The following CACNA1I variants were observed in gnomAD, a reference collection of about 807,000 sequenced individuals.
CACNA1I encodes the protein voltage-dependent T-type calcium channel subunit alpha-1I.
In CACNA1I, 74 loss-of-function variants were observed where a neutral mutation model predicts 201.6. The observed-to-expected ratio is 0.37, with a 90% CI of 0.30 to 0.45. The LOEUF is 0.45. Ranked by LOEUF, CACNA1I falls within the 20% of genes least tolerant of loss-of-function variation. CACNA1I has a pLI of 1.00. For missense variants in CACNA1I, 2,346 were observed against 3,138.1 expected (o/e 0.75, Z 6.03); for synonymous variants, 1,431 against 1,345.2 (o/e 1.06, Z -1.40).
At chr22:39,669,937 C>A in intron 24 of CACNA1I, 101 bp from the exon 25 acceptor site, 1 of 1,350,954 alleles carries the variant, frequency 7.4e-7, no homozygotes, top group Non-Finnish European at 1.1e-6. Flanking sequence ...GAGGCAGGCT[C>A]AACACATGCC....
chr22:39,670,234 A>G lies in CACNA1I; in HGVS notation c.4387+4A>G. On this transcript the variant is annotated splice_donor_region_variant and intron_variant, in intron 25 of 36. Transcript: ENST00000402142. Reference sequence around the variant, plus strand: ...CGCCTGGAGAAGAAGCGCCGGAGTGAGTGGGTGCCTGTGGAGGGCGTGGGC... The same window carrying G: ...CGCCTGGAGAAGAAGCGCCGGAGTGGGTGGGTGCCTGTGGAGGGCGTGGGC... 6.2e-7 allele frequency: 1 copy of G among 1,610,786 alleles called. No homozygotes were observed. Among genetic ancestry groups the G allele is most frequent in the African/African-American group, 1.3e-5 (1 of 75,046 alleles).
chr22:39,589,406 CTGTT>C (rs1436962562), intron 1 of CACNA1I, among the ~76,000 whole-genome samples: 1 of 152,230 alleles, frequency 6.6e-6, no homozygotes. Flanking sequence ...TGGTTGCTGC[CTGTT>C]TATTATTCAT....
At chr22:39,577,014 C>A (rs368726987) in intron 1 of CACNA1I, among the ~76,000 whole-genome samples, 1 of 152,070 alleles carries the variant, frequency 6.6e-6, no homozygotes, top group East Asian at 1.9e-4. Flanking sequence ...TGCAGTGGTG[C>A]GATCTCGGCT....
At chr22:39,658,119 C>G (rs781727847) in intron 10 of CACNA1I, 33 bp from the exon 11 acceptor site, 4 of 1,610,176 alleles carry the variant, frequency 2.5e-6, no homozygotes, top group Non-Finnish European at 3.4e-6. Flanking sequence ...CTGGCCTGAC[C>G]GGGTCTCCAT....
At chr22:39,669,691 G>A (rs1396638901) in intron 24 of CACNA1I, among the ~76,000 whole-genome samples, 2 of 151,984 alleles carry the variant, frequency 1.3e-5, no homozygotes, top group African/African-American at 4.8e-5. Flanking sequence ...TGGATGGATG[G>A]ATGGGTGGTG....
intron 5 of CACNA1I, among the ~76,000 whole-genome samples, chr22:39,638,324 C>T (rs1471839639): frequency 1.3e-5 from 2 of 152,176 alleles, no homozygotes; most frequent in Non-Finnish European, 2.9e-5. Context: ...TGTCCTTTCT[C>T]CACTGAATTG....
chr22:39,672,406 G>A, intron 27 of CACNA1I, 98 bp downstream of exon 27: 1 of 803,414 alleles, frequency 1.2e-6, no homozygotes, highest in Admixed American at 1.8e-5. Flanking sequence ...CTGAAGAGGG[G>A]AACCAGTAAG....
intron 4 of CACNA1I, 95 bp from the exon 5 acceptor site, chr22:39,634,470 C>T (rs891410015): frequency 3.6e-5 from 43 of 1,203,328 alleles, no homozygotes; most frequent in Non-Finnish European, 5.1e-5. Flanking sequence ...ATGCATCCCC[C>T]TCCCCCTCCC....
Position 39,658,316 on chromosome 22 carries a change from CA to C in CACNA1I, c.2144+15del, listed in dbSNP as rs768666053. 1.6e-5 allele frequency: 26 copies of C among 1,612,074 alleles called. No homozygotes were observed. The Middle Eastern group carries it at 4.9e-4, about 31-fold the overall frequency. On this transcript the variant is annotated intron_variant, in intron 11 of 36. Transcript: ENST00000402142. ...TTGTCATCATCAGGTACCCCTCCCC[CA>C]ACCCACCCGGCAGCAGAGTGCCTCG...
At chr22:39,651,483 G>C (rs1479945565) in intron 10 of CACNA1I, among the ~76,000 whole-genome samples, 3 of 152,196 alleles carry the variant, frequency 2.0e-5, no homozygotes, top group Non-Finnish European at 2.9e-5. Context: ...GCTCTCTGCA[G>C]GGGGAGAGCT....
In CACNA1I at chr22:39,634,963, C is replaced by G. The variant is rs1365070557; in HGVS notation, c.740+239C>G. 2.0e-5 allele frequency among the ~76,000 whole-genome samples: 3 copies of G among 152,128 alleles called. No homozygotes were observed. The East Asian group carries it at 5.8e-4, about 29-fold the overall frequency. On this transcript the variant is annotated intron_variant, in intron 5 of 36. Transcript: ENST00000402142. ...GCTCTCCGCCCACAGCACATTCATT[C>G]CCCTTGGTGGCTGAGTCATCCAGGA... is the stretch of plus-strand genomic sequence containing the variant.
At chr22:39,669,948 C>T in intron 24 of CACNA1I, 90 bp from the exon 25 acceptor site, 1 of 1,452,002 alleles carries the variant, frequency 6.9e-7, no homozygotes, top group Non-Finnish European at 9.6e-7. Flanking sequence ...AACACATGCC[C>T]ACTCCATGGA....
intron 3 of CACNA1I, among the ~76,000 whole-genome samples, chr22:39,606,013 G>T (rs1397594587): frequency 6.6e-6 from 1 of 152,112 alleles, no homozygotes. Context: ...AGAAGTTGGG[G>T]GGTGGTTCCT....
In CACNA1I at chr22:39,686,561, T is replaced by C. The variant is rs914660272; in HGVS notation, c.*156T>C. ...CAGCCGGGCTGAGCGGAGTCTGGGT[T>C]AGCCAGGCCTGCGTGGCCCATGGTG... On this transcript the variant is annotated 3_prime_UTR_variant, in exon 37 of 37. Transcript: ENST00000402142. 1.2e-5 allele frequency: 5 copies of C among 409,022 alleles called. No homozygotes were observed. Among genetic ancestry groups the C allele is most frequent in the African/African-American group, 4.2e-5 (2 of 47,148 alleles). The allele number at this position is 409,022 out of a possible 1,614,324, so 25.3% of individuals were successfully genotyped here. A position where few individuals can be genotyped will look rare whatever the true frequency, so the allele number is the denominator to read the frequency against.
chr22:39,659,477 C>T lies in CACNA1I; in HGVS notation c.2375C>T (p.Thr792Met), dbSNP rs776770902. ...TTTGGCTGCAAGTTCAGCCTCCGCACGGACACTGGAGACACGGTGCCCGAC... is the reference window on the plus strand; with the variant it reads ...TTTGGCTGCAAGTTCAGCCTCCGCATGGACACTGGAGACACGGTGCCCGAC... ...HIFGCKFSLR[T>M]DTGDTVPDRK... The change falls in exon 13 of 37, where the codon ACG becomes ATG. Residue 792 changes from threonine (T) to methionine (M), a missense_variant. Transcript: ENST00000402142. The surrounding 1 kb of genome is among the most constrained non-coding windows in gnomAD (Gnocchi z 4.3). 9 of 1,579,424 alleles carry T rather than the reference C, an allele frequency of 5.7e-6. No individual in the cohort carries two copies. The highest frequency in any genetic ancestry group is 3.4e-5 in the South Asian group (3 of 87,336).
intron 1 of CACNA1I, among the ~76,000 whole-genome samples, chr22:39,585,754 C>T (rs1359067473): frequency 3.5e-5 from 3 of 85,746 alleles, no homozygotes; most frequent in East Asian, 3.8e-4. Context: ...TTTTGCAATG[C>T]GGTCTCACTA....
intron 7 of CACNA1I, among the ~76,000 whole-genome samples, chr22:39,644,886 C>T (rs1332377977): frequency 6.6e-6 from 1 of 150,460 alleles, no homozygotes; most frequent in Non-Finnish European, 1.5e-5. Context: ...CAGTGTCTTG[C>T]TATATTTGCC....
chr22:39,655,088 A>C (rs1035723960), intron 10 of CACNA1I, among the ~76,000 whole-genome samples: 13 of 152,182 alleles, frequency 8.5e-5, no homozygotes, highest in African/African-American at 3.1e-4. Context: ...GACCCTGGGC[A>C]GTCAGTTCCC....
chr22:39,661,159 G>A lies in CACNA1I; in HGVS notation c.2750G>A (p.Ser917Asn), dbSNP rs745359142. The A allele has an allele frequency of 3.1e-6, 5 of 1,613,218 alleles. No homozygotes were observed. Among genetic ancestry groups the A allele is most frequent in the Non-Finnish European group, 4.2e-6 (5 of 1,179,766 alleles). ...PMTPNGHLDP[S>N]LPLGGHLGPA... ...ACCCCCAATGGGCACCTGGACCCCA[G>A]TCTCCCACTGGGTGGGCACCTAGGT... Residue 917 changes from serine (S) to asparagine (N), a missense_variant, in exon 16 of 37, where the codon AGT becomes AAT. Physicochemically the swap from Ser to Asn is conservative, Grantham distance 46. Around this residue, in one of 13 missense-constraint regions of CACNA1I, gnomAD observed 92 missense variants for 114.5 expected, o/e 0.80. Coordinates refer to ENST00000402142, the MANE Select transcript of CACNA1I (RefSeq NM_021096.4).
Sources: gnomAD v4.1 joint callset for allele counts (sites outside exome capture counted in the v4.1 genomes callset) on GRCh38, gnomAD v4.1.1 for gene constraint, gnomAD v4.1.1 regional missense constraint, Gnocchi (gnomAD v3.1) non-coding constraint, MANE v1.5 for transcripts, NCBI Gene and HGNC (gene_info 2026-07-23, HGNC 2026-07-21) for gene names.